Variants in AKAP6 observed in about 807,000 individuals in gnomAD.
The protein encoded by AKAP6 is A-kinase anchoring protein 6.
AKAP6 carries 58 observed loss-of-function variants against 188.5 expected under a neutral mutation model. The ratio of observed to expected loss-of-function variants is 0.31; its 90% CI spans 0.25 to 0.38. The LOEUF is 0.38. AKAP6 is among the 10% of genes least tolerant of loss of function. AKAP6 has a pLI of 1.00. For synonymous variants in AKAP6, 989 were observed against 998.6 expected (o/e 0.99, Z 0.18); for missense variants, 2,710 against 2,740.0 (o/e 0.99, Z 0.24).
chr14:32,605,393 TG>T (rs1315352791), intron 7 of AKAP6, among the ~76,000 whole-genome samples: 1 of 152,102 alleles, frequency 6.6e-6, no homozygotes, highest in Non-Finnish European at 1.5e-5. Flanking sequence ...AACTGTGGTG[TG>T]GCTGGAACCT....
intron 4 of AKAP6, among the ~76,000 whole-genome samples, chr14:32,563,377 T>C (rs1884037791): frequency 6.6e-6 from 1 of 152,162 alleles, no homozygotes; most frequent in Non-Finnish European, 1.5e-5. Flanking sequence ...CAGAGAGTCA[T>C]GATTAAATGT....
chr14:32,428,580 C>A (rs1890112426), intron 1 of AKAP6, among the ~76,000 whole-genome samples: 1 of 152,140 alleles, frequency 6.6e-6, no homozygotes, highest in African/African-American at 2.4e-5. Flanking sequence ...GTACAATAGG[C>A]AAGATACCCG....
intron 7 of AKAP6, among the ~76,000 whole-genome samples, chr14:32,661,624 C>G (rs1888704311): frequency 1.3e-5 from 2 of 152,060 alleles, no homozygotes; most frequent in African/African-American, 4.8e-5. Flanking sequence ...TTTTAGTTGT[C>G]CATGTCTGTG....
chr14:32,517,393 C>T lies in AKAP6; in HGVS notation c.325-18161C>T, dbSNP rs528623154. Reference sequence around the variant, plus strand: ...TGACGCAGAAGACGGGTGATTTCTGCGTTTCCAACTGAGGTACTGGGTTCA... The same window carrying T: ...TGACGCAGAAGACGGGTGATTTCTGTGTTTCCAACTGAGGTACTGGGTTCA... On this transcript the variant is annotated intron_variant, in intron 2 of 13. Transcript: ENST00000280979. Among the ~76,000 whole-genome samples, 15 of 152,300 alleles carry T rather than the reference C, an allele frequency of 9.8e-5. 2 individuals carry two copies. The South Asian group carries it at 2.7e-3, about 27-fold the overall frequency.
intron 1 of AKAP6, among the ~76,000 whole-genome samples, chr14:32,393,757 C>T (rs563044490): frequency 6.2e-4 from 95 of 152,120 alleles, no homozygotes; most frequent in African/African-American, 2.2e-3. Context: ...ATCTTCTTGG[C>T]TATTATTATT....
intron 1 of AKAP6, among the ~76,000 whole-genome samples, chr14:32,342,770 AT>A (rs953182557): frequency 6.6e-6 from 1 of 151,796 alleles, no homozygotes; most frequent in Admixed American, 6.6e-5. Flanking sequence ...AGGGTTTGTT[AT>A]TTTTTTTTAA....
chr14:32,803,172 G>A (rs543435709), intron 12 of AKAP6, among the ~76,000 whole-genome samples: 2 of 150,234 alleles, frequency 1.3e-5, no homozygotes, highest in South Asian at 4.2e-4. Context: ...GGCCAGGCAC[G>A]GTGGCTCATG....
chr14:32,441,119 G>A lies in AKAP6; in HGVS notation c.324+7302G>A, dbSNP rs568635253. 3.9e-5 allele frequency among the ~76,000 whole-genome samples: 6 copies of A among 152,236 alleles called. No individual in the cohort carries two copies. In the South Asian group the frequency reaches 1.0e-3, roughly 26 times the overall value. On this transcript the variant is annotated intron_variant, in intron 2 of 13. Transcript: ENST00000280979. ...AGACTTTCCAGCCTCCAAACCATGAGAAATAAATTTCTAGTGTTTATAAAT... is the reference window on the plus strand; with the variant it reads ...AGACTTTCCAGCCTCCAAACCATGAAAAATAAATTTCTAGTGTTTATAAAT...
intron 13 of AKAP6, among the ~76,000 whole-genome samples, chr14:32,827,870 G>A (rs928524443): frequency 3.9e-5 from 6 of 152,114 alleles, no homozygotes; most frequent in Admixed American, 1.3e-4. Flanking sequence ...GATAAATCCC[G>A]TGGTATAAAA....
intron 2 of AKAP6, among the ~76,000 whole-genome samples, chr14:32,456,762 A>G (rs1363699290): frequency 6.6e-6 from 1 of 151,968 alleles, no homozygotes; most frequent in East Asian, 1.9e-4. Flanking sequence ...GACCCCAAAT[A>G]TAACTCTTAA....
chr14:32,494,711 T>C (rs1880219048), intron 2 of AKAP6, among the ~76,000 whole-genome samples: 1 of 152,140 alleles, frequency 6.6e-6, no homozygotes, highest in African/African-American at 2.4e-5. Context: ...AAAACAGCTG[T>C]CCAAGTCACT....
At chr14:32,398,810 C>A (rs1383545943) in intron 1 of AKAP6, among the ~76,000 whole-genome samples, 2 of 146,146 alleles carry the variant, frequency 1.4e-5, no homozygotes, top group East Asian at 5.3e-4. Flanking sequence ...CTCTCCCCCT[C>A]CCCCTCTCTC....
intron 1 of AKAP6, among the ~76,000 whole-genome samples, chr14:32,428,425 A>C (rs1223204723): frequency 6.6e-6 from 1 of 152,040 alleles, no homozygotes; most frequent in Admixed American, 6.6e-5. Flanking sequence ...CTGGTACTCT[A>C]TACTGGCACC....
chr14:32,697,368 A>T (rs1006867830), intron 9 of AKAP6, among the ~76,000 whole-genome samples: 1 of 152,174 alleles, frequency 6.6e-6, no homozygotes, highest in Non-Finnish European at 1.5e-5. Flanking sequence ...TGTTTCCTGT[A>T]TGGGTAGCTG....
intron 1 of AKAP6, among the ~76,000 whole-genome samples, chr14:32,364,452 C>T (rs1351896734): frequency 1.3e-5 from 2 of 152,080 alleles, no homozygotes; most frequent in African/African-American, 4.8e-5. Context: ...CAGTGCTCCC[C>T]CTCAGTTCCC....
At chr14:32,405,912 T>C (rs1889277052) in intron 1 of AKAP6, among the ~76,000 whole-genome samples, 1 of 152,228 alleles carries the variant, frequency 6.6e-6, no homozygotes. Context: ...CACACTCTTT[T>C]AAATTTTAAA....
At chr14:32,581,015 G>A (rs1355009738) in intron 5 of AKAP6, among the ~76,000 whole-genome samples, 4 of 152,094 alleles carry the variant, frequency 2.6e-5, no homozygotes, top group Admixed American at 6.5e-5. Context: ...ATAAACATAC[G>A]TGTGCATGTG....
At chr14:32,341,168 T>C (rs1175779279) in intron 1 of AKAP6, among the ~76,000 whole-genome samples, 1 of 152,238 alleles carries the variant, frequency 6.6e-6, no homozygotes, top group Non-Finnish European at 1.5e-5. Flanking sequence ...TTTCCTTATC[T>C]TGCAAATTTG....
At chr14:32,551,359 G>C (rs146825855) in intron 4 of AKAP6, among the ~76,000 whole-genome samples, 2,243 of 152,070 alleles carry the variant, frequency 0.015, 55 homozygotes, top group African/African-American at 0.051. Flanking sequence ...ATCACTTGAG[G>C]TCAGGAGTTT....
Sources: allele counts gnomAD v4.1 joint callset (sites outside exome capture counted in the v4.1 genomes callset), GRCh38; gene constraint gnomAD v4.1.1; transcripts MANE v1.5; gene names NCBI Gene and HGNC (gene_info 2026-07-23, HGNC 2026-07-21).